The following MSRA variants were observed in gnomAD, a reference collection of about 807,000 sequenced individuals.
MSRA encodes the protein mitochondrial peptide methionine sulfoxide reductase.
A neutral mutation model predicts 31.3 loss-of-function variants in MSRA; 54 were observed. That is an observed-to-expected ratio of 1.73 (90% CI 1.39 to 2.17). The LOEUF (loss-of-function observed/expected upper bound fraction) is 2.17, where lower values mean the gene tolerates loss of function less well. MSRA is among the 30% of genes most tolerant of loss of function. The pLI is 0.00. For missense variants in MSRA, 507 were observed against 300.9 expected, an observed-to-expected ratio of 1.69 and a Z score of -5.07; for synonymous variants, 169 against 116.5, an observed-to-expected ratio of 1.45 and a Z score of -2.90.
chr8:10,067,765 T>C (rs993137460), intron 1 of MSRA, among the ~76,000 whole-genome samples: 5 of 152,180 alleles, frequency 3.3e-5, no homozygotes, highest in African/African-American at 7.2e-5. Flanking sequence ...CCAAATGATA[T>C]ATGCTGATGA....
At position 10,237,310 on chromosome 8, in the gene MSRA, A is replaced by G. The variant is rs114256593; in HGVS notation, c.212-7794A>G. ...ATGTTGGGTTAGGTTACATCTGGCT[A>G]CTGTCCGGGGAAAATCACTTTTATA... On this transcript the variant is annotated intron_variant, in intron 2 of 5. Coordinates refer to ENST00000317173, the MANE Select transcript of MSRA (RefSeq NM_012331.5). Among the ~76,000 whole-genome samples, 560 of 152,346 alleles carry G rather than the reference A, an allele frequency of 3.7e-3. 4 individuals carry two copies. The highest frequency in any genetic ancestry group is 0.013 in the African/African-American group (522 of 41,586).
At chr8:10,062,094 G>T (rs1223452203) in intron 1 of MSRA, among the ~76,000 whole-genome samples, 1 of 152,206 alleles carries the variant, frequency 6.6e-6, no homozygotes, top group Non-Finnish European at 1.5e-5. Flanking sequence ...TTATGAGGGT[G>T]AGTGGCCGCC....
intron 3 of MSRA, among the ~76,000 whole-genome samples, chr8:10,258,463 C>G (rs1414011045): frequency 6.6e-6 from 1 of 152,186 alleles, no homozygotes; most frequent in African/African-American, 2.4e-5. Context: ...CTTTTCATCT[C>G]CCTATTCTTG....
At chr8:10,078,827 A>T (rs1461042044) in intron 1 of MSRA, among the ~76,000 whole-genome samples, 2 of 152,226 alleles carry the variant, frequency 1.3e-5, no homozygotes, top group African/African-American at 4.8e-5. Flanking sequence ...AAGGCAGTCC[A>T]AGTTGGAATA....
chr8:10,141,724 T>A (rs1802723337), intron 1 of MSRA, among the ~76,000 whole-genome samples: 1 of 152,204 alleles, frequency 6.6e-6, no homozygotes, highest in Non-Finnish European at 1.5e-5. Context: ...CCTGCTTTTT[T>A]TTTTTTTGTT....
At chr8:10,087,479 A>C (rs1798622991) in intron 1 of MSRA, among the ~76,000 whole-genome samples, 1 of 152,256 alleles carries the variant, frequency 6.6e-6, no homozygotes, top group Non-Finnish European at 1.5e-5. Context: ...TGTGTCTAAC[A>C]CTGAAGGAAA....
chr8:10,279,106 G>A (rs1331451515), intron 3 of MSRA, among the ~76,000 whole-genome samples: 1 of 152,158 alleles, frequency 6.6e-6, no homozygotes, highest in African/African-American at 2.4e-5. Flanking sequence ...ATTTTTACCA[G>A]GCTCTGCTAC....
intron 5 of MSRA, among the ~76,000 whole-genome samples, chr8:10,388,511 C>T (rs1806532932): frequency 6.6e-6 from 1 of 152,154 alleles, no homozygotes; most frequent in African/African-American, 2.4e-5. Context: ...TTCAGAGTGG[C>T]ATATTCTGGT....
At chr8:10,070,580 C>CA (rs1221852504) in intron 1 of MSRA, among the ~76,000 whole-genome samples, 1 of 152,170 alleles carries the variant, frequency 6.6e-6, no homozygotes, top group African/African-American at 2.4e-5. Flanking sequence ...TTGACAATGA[C>CA]AGAGTCAATA....
intron 3 of MSRA, among the ~76,000 whole-genome samples, chr8:10,283,802 C>CATATAT (rs375322603): frequency 0.026 from 1,172 of 45,762 alleles, 16 homozygotes; most frequent in East Asian, 0.047. Flanking sequence ...TATTCTATCT[C>CATATAT]ATATATATAT....
intron 3 of MSRA, among the ~76,000 whole-genome samples, chr8:10,260,298 G>A (rs918366171): frequency 3.4e-4 from 52 of 152,250 alleles, no homozygotes; most frequent in African/African-American, 1.1e-3. Flanking sequence ...ATACCACCAC[G>A]CCTGGCCAGT....
At chr8:10,418,100 C>T (rs150269144) in intron 5 of MSRA, among the ~76,000 whole-genome samples, 131 of 152,286 alleles carry the variant, frequency 8.6e-4, no homozygotes, top group Non-Finnish European at 1.7e-3. Flanking sequence ...AAACTAATTT[C>T]ATACCACCAC....
At chr8:10,257,964 C>A (rs570956046) in intron 3 of MSRA, among the ~76,000 whole-genome samples, 1 of 152,300 alleles carries the variant, frequency 6.6e-6, no homozygotes, top group East Asian at 1.9e-4. Context: ...ACGTTGATGG[C>A]CTTTACATAT....
intron 1 of MSRA, among the ~76,000 whole-genome samples, chr8:10,144,618 C>G: frequency 6.6e-6 from 1 of 151,370 alleles, no homozygotes; most frequent in Non-Finnish European, 1.5e-5. Context: ...CCTTCCCTCT[C>G]CCTGCTTTTT....
At chr8:10,089,115 A>T (rs76753402) in intron 1 of MSRA, among the ~76,000 whole-genome samples, 10,713 of 144,394 alleles carry the variant, frequency 0.074, 494 homozygotes, top group Admixed American at 0.17. Flanking sequence ...TTGTTAAATA[A>T]GTAAATTTTA....
At chr8:10,339,784 C>T (rs1380483234) in intron 5 of MSRA, among the ~76,000 whole-genome samples, 1 of 150,910 alleles carries the variant, frequency 6.6e-6, no homozygotes, top group African/African-American at 2.4e-5. Flanking sequence ...CTCGTGATCC[C>T]CCCGCCTCGG....
intron 5 of MSRA, among the ~76,000 whole-genome samples, chr8:10,394,574 C>G (rs906450338): frequency 2.6e-5 from 4 of 152,228 alleles, no homozygotes; most frequent in African/African-American, 7.2e-5. Flanking sequence ...ACAGAATTCT[C>G]ACATCCATTT....
intron 3 of MSRA, among the ~76,000 whole-genome samples, chr8:10,256,776 G>GA (rs1798205465): frequency 6.6e-6 from 1 of 151,984 alleles, no homozygotes. Flanking sequence ...CTGTCCCCCC[G>GA]AGGCGAAGCT....
chr8:10,252,556 G>C (rs1329016000), intron 3 of MSRA, among the ~76,000 whole-genome samples: 1 of 152,170 alleles, frequency 6.6e-6, no homozygotes, highest in Non-Finnish European at 1.5e-5. Flanking sequence ...CCAGGACTTA[G>C]GACTAAGAAA....
Sources: allele counts gnomAD v4.1 joint callset (sites outside exome capture counted in the v4.1 genomes callset), GRCh38; gene constraint gnomAD v4.1.1; transcripts MANE v1.5; gene names NCBI Gene and HGNC (gene_info 2026-07-23, HGNC 2026-07-21).